The following RNF150 variants were observed in gnomAD, a reference collection of about 807,000 sequenced individuals.
RNF150 encodes ring finger protein 150.
In RNF150, 24 loss-of-function variants were observed where a neutral mutation model predicts 39.3. The observed-to-expected ratio is 0.61, with a 90% CI of 0.44 to 0.86. The LOEUF (loss-of-function observed/expected upper bound fraction) is 0.86, where lower values mean the gene tolerates loss of function less well. RNF150 is among the 40% of genes least tolerant of loss of function. RNF150 has a pLI of 0.00. For synonymous variants in RNF150, 255 were observed against 227.3 expected (o/e 1.12, Z -1.10); for missense variants, 502 against 587.8 (o/e 0.85, Z 1.51).
At chr4:141,133,985 C>G (rs553797289), upstream of RNF150, among the ~76,000 whole-genome samples, 41 of 152,184 alleles carry the variant, frequency 2.7e-4, no homozygotes, top group Admixed American at 3.3e-4. Flanking sequence ...TGCTGCTGGT[C>G]TAACAACCAT....
At chr4:141,057,014 G>C (rs960334038) in intron 1 of RNF150, among the ~76,000 whole-genome samples, 2 of 152,100 alleles carry the variant, frequency 1.3e-5, no homozygotes, top group African/African-American at 4.8e-5. Context: ...CTAGCTGCAT[G>C]TTCTTTGCAA....
chr4:141,056,231 T>C (rs972863095), intron 1 of RNF150, among the ~76,000 whole-genome samples: 14 of 152,266 alleles, frequency 9.2e-5, no homozygotes, highest in African/African-American at 3.4e-4. Flanking sequence ...AAACTAGATA[T>C]AAACAGACAT....
chr4:141,092,927 G>A (rs1455910917), intron 1 of RNF150, among the ~76,000 whole-genome samples: 2 of 151,916 alleles, frequency 1.3e-5, no homozygotes, highest in Admixed American at 1.3e-4. Flanking sequence ...AGGAAAAAAG[G>A]CAAGAAGACA....
chr4:140,902,685 G>A (rs889323031), intron 6 of RNF150, among the ~76,000 whole-genome samples: 4 of 152,140 alleles, frequency 2.6e-5, no homozygotes, highest in African/African-American at 9.7e-5. Flanking sequence ...ACTGAAGTCT[G>A]TATAAGAACC....
At chr4:141,178,719 C>G (rs1727857998) in intron 1 of RNF150, among the ~76,000 whole-genome samples, 1 of 152,064 alleles carries the variant, frequency 6.6e-6, no homozygotes, top group Non-Finnish European at 1.5e-5. Flanking sequence ...CAGGTGGGAT[C>G]CATGTGGATG....
intron 1 of RNF150, among the ~76,000 whole-genome samples, chr4:141,058,070 T>C (rs1737059835): frequency 6.6e-6 from 1 of 152,220 alleles, no homozygotes; most frequent in Admixed American, 6.5e-5. Context: ...ACCAATAAAA[T>C]GCATATACAC....
At chr4:141,100,051 C>T (rs2111033460) in intron 1 of RNF150, among the ~76,000 whole-genome samples, 1 of 152,042 alleles carries the variant, frequency 6.6e-6, no homozygotes, top group South Asian at 2.1e-4. Flanking sequence ...AAATATAAGC[C>T]CCTTAGAATG....
chr4:141,048,028 G>A (rs909376253), intron 1 of RNF150, among the ~76,000 whole-genome samples: 2 of 152,162 alleles, frequency 1.3e-5, no homozygotes, highest in African/African-American at 4.8e-5. Context: ...GCATTATGGA[G>A]AGAATCAGTA....
chr4:141,136,138 C>A (rs769397490), upstream of RNF150, among the ~76,000 whole-genome samples: 2 of 152,064 alleles, frequency 1.3e-5, no homozygotes, highest in Non-Finnish European at 2.9e-5. Context: ...AATAAATATC[C>A]CAGATTGGCT....
At chr4:140,919,481 G>A (rs1272706473) in intron 5 of RNF150, among the ~76,000 whole-genome samples, 3 of 148,362 alleles carry the variant, frequency 2.0e-5, no homozygotes, top group Non-Finnish European at 4.5e-5. Flanking sequence ...ACTTACAAGG[G>A]ACGTGAAGGA....
chr4:141,206,854 A>T (rs183518301), intron 1 of RNF150, among the ~76,000 whole-genome samples: 117 of 152,146 alleles, frequency 7.7e-4, no homozygotes, highest in South Asian at 4.0e-3. Flanking sequence ...AAGCCTCAAA[A>T]CCAAGGAAGC....
chr4:140,900,002 G>GTGTGTGTGTGTC (rs1352482367), intron 6 of RNF150, among the ~76,000 whole-genome samples: 2 of 144,514 alleles, frequency 1.4e-5, no homozygotes, highest in African/African-American at 5.1e-5. Context: ...GTGTGTGTGT[G>GTGTGTGTGTGTC]TGTCCCATTT....
chr4:141,131,931 T>G (rs369204646), intron 1 of RNF150, among the ~76,000 whole-genome samples: 2 of 152,156 alleles, frequency 1.3e-5, no homozygotes, highest in African/African-American at 4.8e-5. Context: ...GTATACCTGA[T>G]GCACAGACCC....
intron 1 of RNF150, among the ~76,000 whole-genome samples, chr4:141,093,217 T>C (rs1013449170): frequency 6.6e-6 from 1 of 151,982 alleles, no homozygotes; most frequent in South Asian, 2.1e-4. Context: ...ACACGAAGAA[T>C]TGGCCGGGCA....
At chr4:140,977,547 C>T (rs1733708759) in intron 1 of RNF150, among the ~76,000 whole-genome samples, 2 of 152,074 alleles carry the variant, frequency 1.3e-5, no homozygotes, top group South Asian at 4.1e-4. Flanking sequence ...TTGGGTTTTG[C>T]AGTTATTTTG....
At chr4:141,119,178 T>C (rs1268356211) in intron 1 of RNF150, among the ~76,000 whole-genome samples, 1 of 152,258 alleles carries the variant, frequency 6.6e-6, no homozygotes, top group Non-Finnish European at 1.5e-5. Flanking sequence ...ATTTCTCTCA[T>C]AGTTCTCTCA....
chr4:140,965,551 T>C (rs1037293057), intron 2 of RNF150, among the ~76,000 whole-genome samples: 1 of 152,088 alleles, frequency 6.6e-6, no homozygotes, highest in African/African-American at 2.4e-5. Context: ...CATACACACA[T>C]ACAATGGATT....
At position 141,132,574 on chromosome 4, in the gene RNF150, C is replaced by T. The variant is rs749916655; in HGVS notation, c.235G>A (p.Glu79Lys). The T allele has an allele frequency of 3.2e-6, 5 of 1,581,036 alleles. No homozygotes were observed. The highest frequency in any genetic ancestry group is 1.8e-5 in the Admixed American group (1 of 55,462). ...TEKTECGRYG[E>K]HSPKQDARGE... is the part of the protein sequence containing the mutation. ...CGGGCGTCCTGCTTGGGCGAGTGCT[C>T]TCCGTAGCGCCCGCACTCCGTCTTC... The change falls in exon 1 of 7, where the codon GAG (glutamate) becomes AAG (lysine). Residue 79 changes from glutamate (E) to lysine (K), a missense_variant. Transcript: ENST00000515673. The surrounding 1 kb of genome is among the most constrained non-coding windows in gnomAD (Gnocchi z 4.9).
intron 4 of RNF150, among the ~76,000 whole-genome samples, chr4:140,938,512 C>T (rs2321685): frequency 6.6e-6 from 1 of 151,808 alleles, no homozygotes; most frequent in Admixed American, 6.6e-5. Flanking sequence ...CTACCAGGGG[C>T]GTTTCCGTCC....
Sources: allele counts gnomAD v4.1 joint callset (sites outside exome capture counted in the v4.1 genomes callset), GRCh38; gene constraint gnomAD v4.1.1; non-coding constraint Gnocchi (gnomAD v3.1); transcripts MANE v1.5; gene names NCBI Gene and HGNC (gene_info 2026-07-23, HGNC 2026-07-21).